Variants in SPAG17 observed in about 807,000 individuals in gnomAD.
SPAG17 encodes sperm associated antigen 17.
Under a neutral mutation model 273.6 loss-of-function variants are expected in SPAG17, and 169 were observed. The observed-to-expected ratio is 0.62, with a 90% CI of 0.55 to 0.70. The LOEUF is 0.70. SPAG17 is among the 30% of genes least tolerant of loss of function. The pLI, the probability that SPAG17 is intolerant of heterozygous loss-of-function variation, is 0.00. For synonymous variants in SPAG17, 825 were observed against 873.2 expected (o/e 0.94, Z 0.97); for missense variants, 2,557 against 2,627.8 (o/e 0.97, Z 0.59).
Position 118,031,810 on chromosome 1 carries a change from G to A in SPAG17, c.3491C>T (p.Thr1164Ile). ...ILNIPSALTPTVVPVIVTVPQ... is the reference protein window; with the variant it reads ...ILNIPSALTPIVVPVIVTVPQ... ...AACGGTCACTATAACAGGAACCACTGTTGGAGTGAGTGCTGAAGGGATATT... is the reference window on the plus strand; with the variant it reads ...AACGGTCACTATAACAGGAACCACTATTGGAGTGAGTGCTGAAGGGATATT... Residue 1164 changes from threonine to isoleucine, a missense_variant, in exon 25 of 49, where the codon ACA becomes ATA. Coordinates refer to ENST00000336338, the MANE Select transcript of SPAG17 (RefSeq NM_206996.4). 1.2e-6 allele frequency: 2 copies of A among 1,613,686 alleles called. No homozygotes were observed. The highest frequency in any genetic ancestry group is 1.7e-6 in the Non-Finnish European group (2 of 1,179,766).
At chr1:118,136,102 A>G (rs1658339746) in intron 3 of SPAG17, among the ~76,000 whole-genome samples, 1 of 152,148 alleles carries the variant, frequency 6.6e-6, no homozygotes, top group Admixed American at 6.6e-5. Flanking sequence ...AATTTGACAT[A>G]CTGTGAAAGT....
At chr1:118,184,840 C>A (rs1399319448) in intron 1 of SPAG17, among the ~76,000 whole-genome samples, 1 of 152,250 alleles carries the variant, frequency 6.6e-6, no homozygotes, top group Non-Finnish European at 1.5e-5. Context: ...CTCTTCCCCA[C>A]TAGGCAGTTC....
At chr1:117,981,657 T>C (rs1211692988) in intron 42 of SPAG17, among the ~76,000 whole-genome samples, 1 of 152,230 alleles carries the variant, frequency 6.6e-6, no homozygotes, top group East Asian at 1.9e-4. Flanking sequence ...GCTGGTTCTT[T>C]ATGGGCATTA....
At chr1:118,160,866 GC>G (rs1659875704) in intron 1 of SPAG17, among the ~76,000 whole-genome samples, 1 of 152,202 alleles carries the variant, frequency 6.6e-6, no homozygotes, top group Non-Finnish European at 1.5e-5. Flanking sequence ...GATCCAGGGA[GC>G]AGTGCCAGAT....
At chr1:118,074,309 G>A (rs1235753325) in intron 16 of SPAG17, among the ~76,000 whole-genome samples, 1 of 152,162 alleles carries the variant, frequency 6.6e-6, no homozygotes, top group African/African-American at 2.4e-5. Flanking sequence ...AAGCCACACT[G>A]TCTAGAGAGG....
chr1:117,989,954 T>G (rs1195531481), intron 38 of SPAG17, among the ~76,000 whole-genome samples: 1 of 152,144 alleles, frequency 6.6e-6, no homozygotes, highest in Non-Finnish European at 1.5e-5. Flanking sequence ...TAAAAAAAAT[T>G]ATTTGTCATT....
At chr1:118,162,601 T>C (rs1659983989) in intron 1 of SPAG17, among the ~76,000 whole-genome samples, 1 of 152,210 alleles carries the variant, frequency 6.6e-6, no homozygotes, top group South Asian at 2.1e-4. Context: ...AATTGTTCAT[T>C]TCTATTATCA....
At chr1:118,176,573 G>C (rs1660708975) in intron 1 of SPAG17, among the ~76,000 whole-genome samples, 1 of 152,182 alleles carries the variant, frequency 6.6e-6, no homozygotes, top group African/African-American at 2.4e-5. Context: ...AGCATTAATA[G>C]TTGTAAAGGG....
intron 18 of SPAG17, among the ~76,000 whole-genome samples, chr1:118,064,042 T>A (rs761302787): frequency 6.6e-6 from 1 of 152,062 alleles, no homozygotes; most frequent in African/African-American, 2.4e-5. Flanking sequence ...TGAGATACCA[T>A]CTCACACCAG....
chr1:117,974,369 T>C (rs1654905820), intron 43 of SPAG17, among the ~76,000 whole-genome samples: 1 of 152,200 alleles, frequency 6.6e-6, no homozygotes, highest in Non-Finnish European at 1.5e-5. Context: ...GCTATTAGCA[T>C]CTTTTTTTTA....
intron 13 of SPAG17, 88 bp from the exon 14 acceptor site, chr1:118,081,730 TACCA>T: frequency 1.8e-6 from 2 of 1,101,928 alleles, no homozygotes; most frequent in Non-Finnish European, 2.7e-6. Context: ...GGAGTCTGTC[TACCA>T]GAAAGACAAG....
intron 42 of SPAG17, among the ~76,000 whole-genome samples, chr1:117,982,649 C>G (rs1365561771): frequency 2.6e-5 from 4 of 152,204 alleles, no homozygotes; most frequent in African/African-American, 9.6e-5. Flanking sequence ...CATTCTCCTA[C>G]ATATTCACAG....
At chr1:118,022,652 T>C (rs1220041217) in intron 28 of SPAG17, among the ~76,000 whole-genome samples, 1 of 152,222 alleles carries the variant, frequency 6.6e-6, no homozygotes, top group Non-Finnish European at 1.5e-5. Context: ...ATTTAGATTA[T>C]GGCAGACACT....
At position 118,157,122 on chromosome 1, in the gene SPAG17, A is replaced by G. The variant is rs1252331262; in HGVS notation, c.88-5753T>C. Among the ~76,000 whole-genome samples the G allele has an allele frequency of 2.0e-5, 3 of 152,212 alleles. No homozygotes were observed. In the South Asian group the frequency reaches 6.2e-4, roughly 31 times the overall value. On this transcript the variant is annotated intron_variant, in intron 1 of 48. Coordinates refer to ENST00000336338, the MANE Select transcript of SPAG17 (RefSeq NM_206996.4). ...TACTCAAACTAAGGAGATGACAAAC[A>G]CTACAAATCAGAGATGTTCACTTGG...
chr1:118,066,724 T>A (rs1433007031), intron 18 of SPAG17, 21 bp downstream of exon 18: 1 of 1,602,852 alleles, frequency 6.2e-7, no homozygotes, highest in Non-Finnish European at 8.5e-7. Flanking sequence ...ACTAATTAAC[T>A]AAACTTTCCA....
intron 26 of SPAG17, among the ~76,000 whole-genome samples, chr1:118,025,631 C>G (rs192093253): frequency 1.3e-5 from 2 of 152,114 alleles, no homozygotes; most frequent in Non-Finnish European, 2.9e-5. Context: ...GCTGGGACTA[C>G]AGGCTTGCAC....
At chr1:118,063,466 C>A (rs1350870557) in intron 18 of SPAG17, among the ~76,000 whole-genome samples, 1 of 151,812 alleles carries the variant, frequency 6.6e-6, no homozygotes, top group African/African-American at 2.4e-5. Flanking sequence ...ACAAACCTGA[C>A]AAAAACAAAA....
At chr1:118,036,315 C>A (rs567391657) in intron 24 of SPAG17, among the ~76,000 whole-genome samples, 6 of 152,078 alleles carry the variant, frequency 3.9e-5, no homozygotes, top group Admixed American at 6.5e-5. Flanking sequence ...CACACTGAAC[C>A]GTTCTATAAT....
intron 1 of SPAG17, among the ~76,000 whole-genome samples, chr1:118,170,427 G>T (rs1248816400): frequency 6.6e-6 from 1 of 152,168 alleles, no homozygotes; most frequent in African/African-American, 2.4e-5. Flanking sequence ...AAAGCTTGCT[G>T]CAAGACATGC....
Sources: allele counts gnomAD v4.1 joint callset (sites outside exome capture counted in the v4.1 genomes callset), GRCh38; gene constraint gnomAD v4.1.1; transcripts MANE v1.5; gene names NCBI Gene and HGNC (gene_info 2026-07-23, HGNC 2026-07-21).